ADAMTS7: variants seen among roughly 807,000 people sequenced by gnomAD.
ADAMTS7 encodes ADAM metallopeptidase with thrombospondin type 1 motif 7.
ADAMTS7 carries 89 observed loss-of-function variants against 172.6 expected under a neutral mutation model. That is an observed-to-expected ratio of 0.52 (90% CI 0.43 to 0.61). ADAMTS7 has a LOEUF of 0.61. Among genes scored for constraint, ADAMTS7 ranks in the 20% least tolerant of loss-of-function variants. The probability of loss-of-function intolerance (pLI) is 0.00; values close to 1 mark genes in which losing one functional copy is unlikely to be tolerated. For missense variants in ADAMTS7, 1,973 were observed against 2,355.6 expected, an observed-to-expected ratio of 0.84 and a Z score of 3.36; for synonymous variants, 885 against 978.4, an observed-to-expected ratio of 0.90 and a Z score of 1.78.
chr15:78,797,192 C>T (rs2055656945), intron 3 of ADAMTS7, among the ~76,000 whole-genome samples: 1 of 152,212 alleles, frequency 6.6e-6, no homozygotes, highest in Non-Finnish European at 1.5e-5. Context: ...AGGCTGACCC[C>T]ACCCTCTAAA....
In ADAMTS7 at chr15:78,768,245, T is replaced by G. The variant is rs1234073134; in HGVS notation, c.2533A>C (p.Asn845His). Residue 845 changes from asparagine (N) to histidine (H), a missense_variant, in exon 17 of 24, where the codon AAT (asparagine) becomes CAT (histidine). Asn to His is a moderately conservative substitution (Grantham distance 68). This residue lies in a region of ADAMTS7 where 771 missense variants were observed against 952.6 expected (regional missense o/e 0.81). Coordinates refer to ENST00000388820, the MANE Select transcript of ADAMTS7 (RefSeq NM_014272.5). Reference protein sequence around the residue: ...VTCGRGVQRQNVYCLERQAGP... With the variant: ...VTCGRGVQRQHVYCLERQAGP... ...GCCTGCCGCTCCAAGCAGTACACATTCTGCCTCTGCACACCTAGGGGCCAC... is the reference window on the plus strand; with the variant it reads ...GCCTGCCGCTCCAAGCAGTACACATGCTGCCTCTGCACACCTAGGGGCCAC... The G allele has an allele frequency of 1.2e-6, 2 of 1,610,650 alleles. No homozygotes were observed. Among genetic ancestry groups the G allele is most frequent in the Non-Finnish European group, 1.7e-6 (2 of 1,179,626 alleles).
At chr15:78,803,455 CTT>C (rs11447592) in intron 1 of ADAMTS7, among the ~76,000 whole-genome samples, 15 of 143,848 alleles carry the variant, frequency 1.0e-4, no homozygotes, top group Non-Finnish European at 1.1e-4. Flanking sequence ...CAACTATGGT[CTT>C]TTTTTTTTTT....
Position 78,764,636 on chromosome 15 carries a change from GC to G in ADAMTS7, c.4337del (p.Cys1446SerfsTer99). On this transcript the variant is annotated frameshift_variant, in exon 20 of 24. Coordinates refer to ENST00000388820, the MANE Select transcript of ADAMTS7 (RefSeq NM_014272.5). LOFTEE classifies it high-confidence loss of function. ...CAGGCTGGGGCCGGCCAGCGGGGGC[GC>G]AGTCCTCATCCCGGCCGGAGCTACA... ...VRCSSGRDED[C>X]APAGRPQPAR... 1 of 1,563,222 alleles carries G rather than the reference GC, an allele frequency of 6.4e-7. No individual in the cohort carries two copies. Among genetic ancestry groups the G allele is most frequent in the Non-Finnish European group, 8.6e-7 (1 of 1,163,294 alleles).
At position 78,759,500 on chromosome 15, in the gene ADAMTS7, C is replaced by T. The variant is rs369980945; in HGVS notation, c.4982G>A (p.Arg1661His). ...AGAGCACGAGCGGCAGCACTGGGTG[C>T]GGATGGTGGGCAGCTGGCAGCGGCC... is the stretch of plus-strand genomic sequence containing the variant. ...LLGRCQLPTI[R>H]TQCCRSCSPP... Residue 1661 changes from arginine to histidine, a missense_variant, in exon 24 of 24, where the codon CGC (arginine) becomes CAC (histidine). By Grantham distance (29) the Arg-to-His change is conservative. This residue lies in a region of ADAMTS7 where 94 missense variants were observed against 95.4 expected (regional missense o/e 0.99). Transcript: ENST00000388820. 1.8e-5 allele frequency: 29 copies of T among 1,597,278 alleles called. No homozygotes were observed. Among genetic ancestry groups the T allele is most frequent in the East Asian group, 4.5e-5 (2 of 44,642 alleles).
chr15:78,788,171 C>T lies in ADAMTS7; in HGVS notation c.1322+60G>A, dbSNP rs530893478. 5 of 1,597,630 alleles carry T rather than the reference C, an allele frequency of 3.1e-6. No individual in the cohort carries two copies. In the African/African-American group the frequency reaches 4.0e-5, roughly 13 times the overall value. ...CCCTGCAGTATGACTGTCTGCATCT[C>T]TCCCAGTAGACCTTGACCTCATGGA... On this transcript the variant is annotated intron_variant, in intron 8 of 23. Coordinates refer to ENST00000388820, the MANE Select transcript of ADAMTS7 (RefSeq NM_014272.5).
chr15:78,795,368 C>T (rs2055629637), intron 4 of ADAMTS7, among the ~76,000 whole-genome samples: 1 of 152,336 alleles, frequency 6.6e-6, no homozygotes, highest in Admixed American at 6.5e-5. Context: ...GAACAGGGAG[C>T]CAATGAGGGT....
At chr15:78,792,497 A>G (rs111604987) in intron 4 of ADAMTS7, among the ~76,000 whole-genome samples, 29 of 152,344 alleles carry the variant, frequency 1.9e-4, no homozygotes, top group Non-Finnish European at 4.3e-4. Flanking sequence ...TAAGGCAGTA[A>G]GTGGTTCTTC....
intron 20 of ADAMTS7, 48 bp from the exon 21 acceptor site, chr15:78,764,147 C>A: frequency 2.0e-6 from 3 of 1,465,616 alleles, no homozygotes; most frequent in South Asian, 2.8e-5. Context: ...TGCAGGCCCA[C>A]AGGCGTGACC....
rs2055861761 is a variant in ADAMTS7 at position 78,811,189 on chromosome 15, G to T, written c.32C>A (p.Ala11Glu). 4 of 1,229,312 alleles carry T rather than the reference G, an allele frequency of 3.3e-6. No homozygotes were observed. The highest frequency in any genetic ancestry group is 4.1e-5 in the South Asian group (1 of 24,300). The allele number at this position is 1,229,312 out of a possible 1,614,324, so 76.2% of individuals were successfully genotyped here. The change falls in exon 1 of 24, where the codon GCG (alanine) becomes GAG (glutamate). Residue 11 changes from alanine to glutamate, a missense_variant. By Grantham distance (107) the Ala-to-Glu change is moderately radical. Around this residue, in one of 8 missense-constraint regions of ADAMTS7, gnomAD observed 306 missense variants for 288.0 expected, o/e 1.06. Transcript: ENST00000388820. MPGGPSPRSP[A>E]PLLRPLLLLL... Reference sequence around the variant, plus strand: ...CAGGAGGAGGGGGCGCAGCAAAGGCGCGGGGCTGCGGGGACTGGGGCCGCC... The same window carrying T: ...CAGGAGGAGGGGGCGCAGCAAAGGCTCGGGGCTGCGGGGACTGGGGCCGCC...
intron 10 of ADAMTS7, 63 bp from the exon 11 acceptor site, chr15:78,776,396 G>C: frequency 1.9e-6 from 3 of 1,567,880 alleles, no homozygotes; most frequent in Non-Finnish European, 2.6e-6. Flanking sequence ...CCTCACCCTA[G>C]TGAGAACAAG....
intron 16 of ADAMTS7, 128 bp from the exon 17 acceptor site, chr15:78,768,387 C>G (rs570472686): frequency 4.5e-5 from 62 of 1,373,430 alleles, no homozygotes; most frequent in Admixed American, 2.4e-4. Context: ...GCCTTACTGC[C>G]CATGTCAGGA....
In ADAMTS7 at chr15:78,800,145, C is replaced by T. The variant is rs1267782252; in HGVS notation, c.456+47G>A. The T allele has an allele frequency of 1.2e-5, 18 of 1,518,382 alleles. No individual in the cohort carries two copies. In the African/African-American group the frequency reaches 1.7e-4, roughly 14 times the overall value. 94.1% of individuals were successfully genotyped at this position (1,518,382 alleles called of 1,614,324 possible). On this transcript the variant is annotated intron_variant, in intron 2 of 23. Coordinates refer to ENST00000388820, the MANE Select transcript of ADAMTS7 (RefSeq NM_014272.5). ...GCAAGGCTAGAGCCAATCTGCACAT[C>T]CCACCACCCGAGACTGCCCCAAGTA...
intron 1 of ADAMTS7, among the ~76,000 whole-genome samples, chr15:78,806,152 A>ACC (rs1288252764): frequency 8.7e-6 from 1 of 114,970 alleles, no homozygotes; most frequent in African/African-American, 5.1e-5. Context: ...AAAAAAAAAA[A>ACC]AAACAGAAAA....
chr15:78,765,551 C>T (rs1452779882), intron 19 of ADAMTS7, 94 bp downstream of exon 19: 81 of 1,567,198 alleles, frequency 5.2e-5, no homozygotes, highest in South Asian at 7.0e-5. Flanking sequence ...GCTAGACAGA[C>T]GGCGCCTGTG....
intron 4 of ADAMTS7, 137 bp downstream of exon 4, chr15:78,796,453 G>T: frequency 1.0e-6 from 1 of 968,530 alleles, no homozygotes; most frequent in Non-Finnish European, 1.5e-6. Flanking sequence ...TCAGGAGCTT[G>T]GATACCCTTC....
At chr15:78,769,692 G>C (rs1234750351) in intron 16 of ADAMTS7, among the ~76,000 whole-genome samples, 1 of 152,238 alleles carries the variant, frequency 6.6e-6, no homozygotes, top group African/African-American at 2.4e-5. Flanking sequence ...CTGTGCATCT[G>C]GGACTTCCTG....
intron 11 of ADAMTS7, 57 bp from the exon 12 acceptor site, chr15:78,774,850 C>G: frequency 6.5e-7 from 1 of 1,531,168 alleles, no homozygotes; most frequent in South Asian, 1.3e-5. Context: ...TACTGCATGG[C>G]CACAGCCCAG....
Position 78,789,273 on chromosome 15 carries a change from C to A in ADAMTS7, c.1178+416G>T, listed in dbSNP as rs529091890. ...GCCTTGGACATCACTGAATCCAAAC[C>A]CCTCAATCTATGGGAAGCACACAGA... On this transcript the variant is annotated intron_variant, in intron 7 of 23. Transcript: ENST00000388820. Among the ~76,000 whole-genome samples, 7 of 152,328 alleles carry A rather than the reference C, an allele frequency of 4.6e-5. No homozygotes were observed. The South Asian group carries it at 1.4e-3, about 32-fold the overall frequency.
intron 1 of ADAMTS7, among the ~76,000 whole-genome samples, chr15:78,810,251 A>G (rs1464837343): frequency 6.6e-6 from 1 of 152,112 alleles, no homozygotes; most frequent in Non-Finnish European, 1.5e-5. Context: ...CTCCTCTCCT[A>G]CAAAGCCTGC....
Sources: gnomAD v4.1 joint callset for allele counts (sites outside exome capture counted in the v4.1 genomes callset) on GRCh38, gnomAD v4.1.1 for gene constraint, gnomAD v4.1.1 regional missense constraint, MANE v1.5 for transcripts, NCBI Gene and HGNC (gene_info 2026-07-23, HGNC 2026-07-21) for gene names.